Variants in SGCD observed in about 807,000 individuals in gnomAD.
SGCD encodes sarcoglycan delta, also known as delta-sarcoglycan.
A neutral mutation model predicts 36.6 loss-of-function variants in SGCD; 18 were observed. The observed-to-expected ratio is 0.49, with a 90% confidence interval of 0.34 to 0.73. The LOEUF (loss-of-function observed/expected upper bound fraction) is 0.73, where lower values mean the gene tolerates loss of function less well. SGCD is among the 30% of genes least tolerant of loss of function. The pLI, the probability that SGCD is intolerant of heterozygous loss-of-function variation, is 0.01. For missense variants in SGCD, 387 were observed against 346.7 expected (o/e 1.12, Z -0.92); for synonymous variants, 133 against 130.6 (o/e 1.02, Z -0.12).
intron 3 of SGCD, among the ~76,000 whole-genome samples, chr5:156,141,915 C>A (rs997894792): frequency 6.6e-6 from 1 of 152,150 alleles, no homozygotes; most frequent in East Asian, 1.9e-4. Flanking sequence ...AGCAGTGGAG[C>A]AGTTTCCTTC....
chr5:156,332,920 A>G (rs1446781147), intron 2 of SGCD, among the ~76,000 whole-genome samples: 1 of 152,226 alleles, frequency 6.6e-6, no homozygotes, highest in East Asian at 1.9e-4. Context: ...CTATGTAGCT[A>G]ATATCTGTTT....
At chr5:156,037,175 G>A (rs1759519985) in intron 1 of SGCD, among the ~76,000 whole-genome samples, 1 of 152,150 alleles carries the variant, frequency 6.6e-6, no homozygotes, top group Non-Finnish European at 1.5e-5. Flanking sequence ...AAAACATGTG[G>A]AATTGTAAAA....
At chr5:155,954,121 C>G (rs190233703) in intron 1 of SGCD, among the ~76,000 whole-genome samples, 1 of 152,280 alleles carries the variant, frequency 6.6e-6, no homozygotes, top group African/African-American at 2.4e-5. Context: ...TAAAACTTGA[C>G]TCTTCTCCAT....
At chr5:156,150,907 T>C (rs1354912450) in intron 3 of SGCD, among the ~76,000 whole-genome samples, 3 of 151,810 alleles carry the variant, frequency 2.0e-5, no homozygotes, top group Admixed American at 6.5e-5. Flanking sequence ...AAATACATAG[T>C]CATGTGGCCT....
chr5:155,797,900 A>G, the SGCD span, among the ~76,000 whole-genome samples: 1 of 152,324 alleles, frequency 6.6e-6, no homozygotes, highest in East Asian at 1.9e-4. Flanking sequence ...AGAAAACTCA[A>G]AAAGCCATCA....
intron 7 of SGCD, among the ~76,000 whole-genome samples, chr5:156,745,878 A>G (rs1756918298): frequency 6.6e-6 from 1 of 152,120 alleles, no homozygotes; most frequent in Admixed American, 6.5e-5. Flanking sequence ...GAGACAGAAG[A>G]ATAGGAATGC....
chr5:156,026,205 C>T lies in SGCD; in HGVS notation c.-281-91673C>T, dbSNP rs182483037. On this transcript the variant is annotated intron_variant, in intron 1 of 9. Transcript: ENST00000517913. ...TTGTTGTTAGATTGACAACAAATAT[C>T]AGGCAACATATTTATTGAGAATGTA... 1.3e-3 allele frequency among the ~76,000 whole-genome samples: 203 copies of T among 152,298 alleles called. 1 individual carries two copies. Among genetic ancestry groups the T allele is most frequent in the African/African-American group, 4.7e-3 (194 of 41,560 alleles).
chr5:155,793,056 G>A, the SGCD span, among the ~76,000 whole-genome samples: 2 of 152,136 alleles, frequency 1.3e-5, no homozygotes, highest in African/African-American at 4.8e-5. Context: ...CATACACCGT[G>A]GAATACTATG....
At chr5:156,652,560 C>T (rs1763502881) in intron 7 of SGCD, among the ~76,000 whole-genome samples, 1 of 152,020 alleles carries the variant, frequency 6.6e-6, no homozygotes, top group Non-Finnish European at 1.5e-5. Context: ...GATAATTTGA[C>T]TTCTTTTCTT....
chr5:155,801,783 T>G, the SGCD span, among the ~76,000 whole-genome samples: 1 of 152,226 alleles, frequency 6.6e-6, no homozygotes, highest in Non-Finnish European at 1.5e-5. Context: ...GGAGAAAGAA[T>G]TCTAGAGATT....
intron 6 of SGCD, among the ~76,000 whole-genome samples, chr5:156,620,727 C>A (rs2113496503): frequency 6.6e-6 from 1 of 152,210 alleles, no homozygotes; most frequent in East Asian, 1.9e-4. Flanking sequence ...TTTTTTCCAG[C>A]AAATAAGCAC....
intron 3 of SGCD, among the ~76,000 whole-genome samples, chr5:156,348,866 A>G (rs540572646): frequency 6.6e-6 from 1 of 152,336 alleles, no homozygotes; most frequent in African/African-American, 2.4e-5. Context: ...ACAAGGCTAT[A>G]GTAACCAAAA....
At chr5:156,566,978 G>C (rs965991409) in intron 4 of SGCD, among the ~76,000 whole-genome samples, 2 of 152,088 alleles carry the variant, frequency 1.3e-5, no homozygotes, top group Non-Finnish European at 2.9e-5. Flanking sequence ...TGCATCCTTT[G>C]AACAGCTTAG....
intron 1 of SGCD, among the ~76,000 whole-genome samples, chr5:155,873,026 G>C (rs1386150988): frequency 6.6e-6 from 1 of 152,148 alleles, no homozygotes; most frequent in Admixed American, 6.6e-5. Flanking sequence ...CTTCATCAGA[G>C]CCTTGTCATT....
the SGCD span, among the ~76,000 whole-genome samples, chr5:155,747,496 A>G: frequency 1.8e-4 from 27 of 152,210 alleles, no homozygotes; most frequent in Non-Finnish European, 3.8e-4. Flanking sequence ...CAGAACTATC[A>G]GTCTTTTTGT....
At chr5:155,856,241 A>G in the SGCD span, among the ~76,000 whole-genome samples, 7 of 152,198 alleles carry the variant, frequency 4.6e-5, no homozygotes, top group South Asian at 4.1e-4. Context: ...TAACACTACC[A>G]TGAGTTATAG....
the SGCD span, among the ~76,000 whole-genome samples, chr5:155,791,899 A>G: frequency 0.18 from 26,791 of 152,158 alleles, 3,354 homozygotes; most frequent in Admixed American, 0.39. Flanking sequence ...ACAGAATTAG[A>G]AAAAACTATT....
chr5:156,191,856 G>A (rs1038941201), intron 3 of SGCD, among the ~76,000 whole-genome samples: 2 of 152,182 alleles, frequency 1.3e-5, no homozygotes, highest in Non-Finnish European at 2.9e-5. Context: ...GCAGCCACTA[G>A]AGAGGTTTGG....
At chr5:156,127,649 A>AT (rs1762206933) in intron 3 of SGCD, among the ~76,000 whole-genome samples, 3 of 152,042 alleles carry the variant, frequency 2.0e-5, no homozygotes, top group African/African-American at 7.2e-5. Flanking sequence ...AAAACAATAG[A>AT]GAGTTCTGAA....
Sources: allele counts gnomAD v4.1 joint callset (sites outside exome capture counted in the v4.1 genomes callset), GRCh38; gene constraint gnomAD v4.1.1; transcripts MANE v1.5; gene names NCBI Gene and HGNC (gene_info 2026-07-23, HGNC 2026-07-21).